The following TRAK1 variants were observed in gnomAD, a reference collection of about 807,000 sequenced individuals.
TRAK1 encodes trafficking kinesin protein 1, also known as trafficking kinesin-binding protein 1.
Under a neutral mutation model 92.1 loss-of-function variants are expected in TRAK1, and 33 were observed. That is an observed-to-expected ratio of 0.36 (90% CI 0.27 to 0.48). The LOEUF (loss-of-function observed/expected upper bound fraction) is 0.48, where lower values mean the gene tolerates loss of function less well. Among genes scored for constraint, TRAK1 ranks in the 20% least tolerant of loss-of-function variants. TRAK1 has a pLI of 0.99. For missense variants in TRAK1, 1,123 were observed against 1,257.9 expected (o/e 0.89, Z 1.62); for synonymous variants, 521 against 517.3 (o/e 1.01, Z -0.10).
chr3:42,086,911 T>C (rs763194164), upstream of TRAK1, among the ~76,000 whole-genome samples: 2 of 152,204 alleles, frequency 1.3e-5, no homozygotes, highest in African/African-American at 2.4e-5. Flanking sequence ...CAATATTGAT[T>C]AGTTGAATGG....
intron 1 of TRAK1, among the ~76,000 whole-genome samples, chr3:42,030,369 A>AT (rs1432476342): frequency 2.9e-4 from 23 of 79,310 alleles, no homozygotes; most frequent in East Asian, 1.7e-3. Context: ...CTCTAAAAAA[A>AT]AAAATATATA....
At chr3:42,181,783 T>C (rs555256787) in intron 3 of TRAK1, among the ~76,000 whole-genome samples, 2 of 152,250 alleles carry the variant, frequency 1.3e-5, no homozygotes, top group Admixed American at 6.5e-5. Context: ...TATTGCAGTT[T>C]TAACCAAATC....
chr3:42,088,267 G>C (rs762081903), upstream of TRAK1, among the ~76,000 whole-genome samples: 1 of 152,182 alleles, frequency 6.6e-6, no homozygotes, highest in Non-Finnish European at 1.5e-5. Flanking sequence ...TGTGTCAGGG[G>C]TTTCCTGGAT....
rs774795689 is a variant in TRAK1, at chr3:42,188,034, T to C, written c.481-11T>C. On this transcript the variant is annotated splice_polypyrimidine_tract_variant and intron_variant, in intron 4 of 15. Coordinates refer to ENST00000327628, the MANE Select transcript of TRAK1 (RefSeq NM_001042646.3). The stretch of plus-strand genomic sequence containing the variant: ...TGGGAAGCAAATGATGGGCCTGCTC[T>C]GCTTGTGCAGGTGTCTCAGCTCCGG... 6.2e-7 allele frequency: 1 copy of C among 1,613,174 alleles called. No homozygotes were observed. Among genetic ancestry groups the C allele is most frequent in the Non-Finnish European group, 8.5e-7 (1 of 1,179,444 alleles).
chr3:42,215,891 A>G (rs1292265234), intron 14 of TRAK1, among the ~76,000 whole-genome samples: 1 of 152,188 alleles, frequency 6.6e-6, no homozygotes, highest in Non-Finnish European at 1.5e-5. Context: ...CAACATGCCA[A>G]GTACGGTTGC....
Position 42,038,783 on chromosome 3 carries a change from A to G in TRAK1, c.-519+24666A>G, listed in dbSNP as rs547352248. ...AGCCTGGGTGACAGAGTGAGACTTC[A>G]TCTCAAAAAAAAAAAAAAAGTTTTT... On this transcript the variant is annotated intron_variant, in intron 1 of 16. Transcript: ENST00000487159. Among the ~76,000 whole-genome samples the G allele has an allele frequency of 4.8e-3, 618 of 127,924 alleles. 7 individuals carry two copies. Among genetic ancestry groups the G allele is most frequent in the African/African-American group, 0.019 (580 of 30,536 alleles). The allele number at this position is 127,924 out of a possible 152,430, so 83.9% of individuals were successfully genotyped here.
At chr3:42,205,733 A>T (rs1708254502) in intron 13 of TRAK1, among the ~76,000 whole-genome samples, 1 of 152,256 alleles carries the variant, frequency 6.6e-6, no homozygotes, top group African/African-American at 2.4e-5. Flanking sequence ...CTAAGCCCTG[A>T]TGCTCCTCTG....
intron 3 of TRAK1, among the ~76,000 whole-genome samples, chr3:42,178,275 G>A (rs1052723119): frequency 2.6e-5 from 4 of 151,928 alleles, no homozygotes; most frequent in Non-Finnish European, 5.9e-5. Context: ...AGCTGCCACC[G>A]TCCATGCCCT....
At chr3:42,124,032 G>A (rs1024096941) in intron 1 of TRAK1, among the ~76,000 whole-genome samples, 11 of 151,970 alleles carry the variant, frequency 7.2e-5, no homozygotes, top group African/African-American at 2.4e-4. Context: ...TGGCTACTCG[G>A]GAGGCCAAGG....
intron 1 of TRAK1, among the ~76,000 whole-genome samples, chr3:42,041,178 C>T (rs1702527049): frequency 6.7e-6 from 1 of 148,808 alleles, no homozygotes; most frequent in Admixed American, 6.7e-5. Flanking sequence ...GTAGGAGTTG[C>T]ATTGAATCTG....
At chr3:42,013,549 TGGCGGCGCGG>T (rs141609314), upstream of TRAK1, among the ~76,000 whole-genome samples, 60 of 78,618 alleles carry the variant, frequency 7.6e-4, no homozygotes, top group East Asian at 0.018. This position sits in a 1 kb window ranked among gnomAD's most constrained non-coding sequence, Gnocchi z 5.1. Flanking sequence ...GGCCCGCAGG[TGGCGGCGCGG>T]GGCGGCGGGC....
chr3:42,180,459 C>T (rs182642295), intron 3 of TRAK1, among the ~76,000 whole-genome samples: 109 of 151,966 alleles, frequency 7.2e-4, no homozygotes, highest in African/African-American at 2.6e-3. Context: ...ATAGTGAGAC[C>T]CTGTCTCTAC....
intron 1 of TRAK1, among the ~76,000 whole-genome samples, chr3:42,079,474 C>G (rs574710146): frequency 3.0e-4 from 40 of 133,942 alleles, no homozygotes; most frequent in South Asian, 2.5e-4. Flanking sequence ...GAAGCTCCTT[C>G]TTCTTTTTTT....
chr3:42,038,748 A>C (rs1702420050), intron 1 of TRAK1, among the ~76,000 whole-genome samples: 1 of 143,760 alleles, frequency 7.0e-6, no homozygotes, highest in Non-Finnish European at 1.5e-5. Context: ...AGATTGCGCC[A>C]TTGCACGCCA....
rs557910860 is a variant in TRAK1 at position 42,202,356 on chromosome 3, C to T, written c.1428-80C>T. 128 of 1,342,452 alleles carry T rather than the reference C, an allele frequency of 9.5e-5. No individual in the cohort carries two copies. The highest frequency in any genetic ancestry group is 1.5e-4 in the South Asian group (6 of 40,074). The allele number at this position is 1,342,452 out of a possible 1,614,324, so 83.2% of individuals were successfully genotyped here. ...TCCTGTAGCCCCAGGGAACGTCCAC[C>T]GCTGTGCATTGAGCAGTCGGGCCTC... On this transcript the variant is annotated intron_variant, in intron 12 of 15. Coordinates refer to ENST00000327628, the MANE Select transcript of TRAK1 (RefSeq NM_001042646.3). This position sits in a 1 kb window ranked among gnomAD's most constrained non-coding sequence, Gnocchi z 6.1.
chr3:42,164,700 C>T (rs1642823106), intron 2 of TRAK1, among the ~76,000 whole-genome samples: 1 of 152,196 alleles, frequency 6.6e-6, no homozygotes, highest in African/African-American at 2.4e-5. Flanking sequence ...AGGAAATATC[C>T]AGGCCCTGGG....
At position 42,211,551 on chromosome 3, in the gene TRAK1, C is replaced by T. The variant is rs910666168; in HGVS notation, c.1963+1566C>T. On this transcript the variant is annotated intron_variant, in intron 14 of 15. Transcript: ENST00000327628. ...AGAAACATGATGCCTGGCTGATTTT[C>T]GTGGCTAAAGGGGTAGGCCTTATGT... 22 of 985,296 alleles carry T rather than the reference C, an allele frequency of 2.2e-5. No homozygotes were observed. The Admixed American group carries it at 8.6e-4, about 39-fold the overall frequency. 61.0% of individuals were successfully genotyped at this position (985,296 alleles called of 1,614,324 possible). A position where few individuals can be genotyped will look rare whatever the true frequency, so the allele number is the denominator to read the frequency against.
chr3:42,196,694 C>G (rs566084555), intron 10 of TRAK1, among the ~76,000 whole-genome samples: 1 of 128,286 alleles, frequency 7.8e-6, no homozygotes, highest in East Asian at 2.6e-4. Context: ...TGTGCCACCA[C>G]GCCCGGCTAA....
At chr3:42,181,244 G>T (rs550540605) in intron 3 of TRAK1, among the ~76,000 whole-genome samples, 2 of 152,182 alleles carry the variant, frequency 1.3e-5, no homozygotes, top group Admixed American at 1.3e-4. Context: ...TGAAATGTGC[G>T]TACAAAATGC....
Sources: allele counts gnomAD v4.1 joint callset (sites outside exome capture counted in the v4.1 genomes callset), GRCh38; gene constraint gnomAD v4.1.1; non-coding constraint Gnocchi (gnomAD v3.1); transcripts MANE v1.5; gene names NCBI Gene and HGNC (gene_info 2026-07-23, HGNC 2026-07-21).